Variants in CEP76 observed in about 807,000 individuals in gnomAD.
CEP76 encodes the protein centrosomal protein 76, also known as centrosomal protein of 76 kDa.
In CEP76, 55 loss-of-function variants were observed where a neutral mutation model predicts 83.3. The observed-to-expected ratio is 0.66, with a 90% CI of 0.53 to 0.83. The LOEUF (loss-of-function observed/expected upper bound fraction) is 0.83. Among genes scored for constraint, CEP76 ranks in the 40% least tolerant of loss-of-function variants. CEP76 has a pLI of 0.00. For synonymous variants in CEP76, 270 were observed against 274.5 expected (o/e 0.98, Z 0.16); for missense variants, 694 against 799.5 (o/e 0.87, Z 1.59).
At chr18:12,699,468 T>C (rs1379379948) in intron 3 of CEP76, among the ~76,000 whole-genome samples, 1 of 152,208 alleles carries the variant, frequency 6.6e-6, no homozygotes, top group Non-Finnish European at 1.5e-5. Context: ...ATATGTAGTA[T>C]ACTTTTGCTT....
chr18:12,682,110 C>T (rs1272597959), intron 8 of CEP76, among the ~76,000 whole-genome samples: 1 of 152,050 alleles, frequency 6.6e-6, no homozygotes, highest in Non-Finnish European at 1.5e-5. Flanking sequence ...AGGAAGACTA[C>T]ACGCGAAAGC....
chr18:12,663,553 G>A (rs749348201), intron 12 of CEP76: 3 of 152,122 alleles, frequency 2.0e-5, no homozygotes, highest in Non-Finnish European at 4.4e-5. Flanking sequence ...GATTACAGAT[G>A]TGAGCCACCA....
Position 12,691,491 on chromosome 18 carries a change from G to A in CEP76, c.805-4C>T. The A allele has an allele frequency of 6.3e-7, 1 of 1,574,946 alleles. No homozygotes were observed. The highest frequency in any genetic ancestry group is 1.2e-5 in the South Asian group (1 of 84,372). On this transcript the variant is annotated splice_region_variant and splice_polypyrimidine_tract_variant and intron_variant, in intron 6 of 11. Coordinates refer to ENST00000262127, the MANE Select transcript of CEP76 (RefSeq NM_024899.4). The stretch of plus-strand genomic sequence containing the variant: ...TTTTCTGACGTTCCAAAGCAAGCTT[G>A]AAATTGAAAAAAATATTTTTCAATT...
downstream of CEP76, chr18:12,672,587 A>T: frequency 1.1e-6 from 1 of 895,296 alleles, no homozygotes; most frequent in Non-Finnish European, 1.3e-6. Context: ...GATAGAATCC[A>T]TGAAGAGGCT....
At chr18:12,677,373 G>A (rs1158110815) in intron 10 of CEP76, among the ~76,000 whole-genome samples, 3 of 150,142 alleles carry the variant, frequency 2.0e-5, no homozygotes, top group Non-Finnish European at 3.0e-5. Flanking sequence ...GGGAGGTAGA[G>A]GTTGCAGTGA....
chr18:12,673,636 T>G, intron 11 of CEP76, 133 bp from the exon 12 acceptor site: 1 of 608,150 alleles, frequency 1.6e-6, no homozygotes, highest in Admixed American at 4.1e-5. Context: ...TCCCAGCACT[T>G]TGGGAGGCCG....
At position 12,690,657 on chromosome 18, in the gene CEP76, G is replaced by A. The variant is rs530763017; in HGVS notation, c.933+702C>T. ...TTTTTAGTAGAAACGGGGTTTCACC[G>A]TGTTAGCCAGGATGGTCTCGATCTC... On this transcript the variant is annotated intron_variant, in intron 7 of 11. Transcript: ENST00000262127. 2.8e-3 allele frequency among the ~76,000 whole-genome samples: 426 copies of A among 152,138 alleles called. 2 individuals are homozygous for A. Among genetic ancestry groups the A allele is most frequent in the Non-Finnish European group, 4.5e-3 (309 of 67,986 alleles).
chr18:12,663,852 C>T (rs956781430), intron 12 of CEP76, among the ~76,000 whole-genome samples: 5 of 152,160 alleles, frequency 3.3e-5, no homozygotes, highest in African/African-American at 9.7e-5. Context: ...TCACTGCAAC[C>T]TCTAACTCCT....
At chr18:12,662,692 G>A (rs940068344) in intron 12 of CEP76, among the ~76,000 whole-genome samples, 10 of 152,164 alleles carry the variant, frequency 6.6e-5, no homozygotes, top group Admixed American at 4.6e-4. Flanking sequence ...CACAAGAATC[G>A]CTTGAGCCCA....
intron 1 of CEP76, among the ~76,000 whole-genome samples, chr18:12,702,059 G>C (rs1046185400): frequency 9.9e-5 from 15 of 152,206 alleles, no homozygotes; most frequent in Non-Finnish European, 2.1e-4. Context: ...CTGGGAGGCG[G>C]AGGTTGCAGT....
At chr18:12,666,880 C>G (rs2038815097) in intron 12 of CEP76, among the ~76,000 whole-genome samples, 1 of 152,058 alleles carries the variant, frequency 6.6e-6, no homozygotes, top group East Asian at 1.9e-4. Flanking sequence ...CATCTTTAAT[C>G]CAAACATCAG....
chr18:12,698,892 C>T (rs557100733), intron 4 of CEP76, 87 bp downstream of exon 4: 122 of 960,694 alleles, frequency 1.3e-4, no homozygotes, highest in Non-Finnish European at 1.8e-4. Context: ...TAAATCTCTC[C>T]TTACAGAAAA....
At chr18:12,682,649 G>A (rs1254509406) in intron 8 of CEP76, among the ~76,000 whole-genome samples, 1 of 151,556 alleles carries the variant, frequency 6.6e-6, no homozygotes, top group African/African-American at 2.4e-5. Flanking sequence ...TCTTTTTTGA[G>A]ACAGAGTCTC....
At chr18:12,689,392 GAC>G (rs1211120458) in intron 7 of CEP76, among the ~76,000 whole-genome samples, 2 of 152,166 alleles carry the variant, frequency 1.3e-5, no homozygotes, top group African/African-American at 4.8e-5. Flanking sequence ...ACTCCAATTT[GAC>G]ACAGACTTTG....
In CEP76 at chr18:12,697,272, C is replaced by T; in HGVS notation, c.657G>A (p.Leu219=). The T allele has an allele frequency of 1.2e-6, 2 of 1,613,978 alleles. No homozygotes were observed. The highest frequency in any genetic ancestry group is 1.7e-5 in the Admixed American group (1 of 59,984). The change falls in exon 5 of 12, where the codon TTG becomes TTA. Residue 219 remains leucine (L), a synonymous_variant. Coordinates refer to ENST00000262127, the MANE Select transcript of CEP76 (RefSeq NM_024899.4). ...ASYFLEWRSV[L]GSENGVTSLT... is the part of the protein sequence containing the mutation. Reference sequence around the variant, plus strand: ...GACTGGTCACTCCATTTTCTGAGCCCAAAACCGATCGCCATTCCAGAAAAT... The same window carrying T: ...GACTGGTCACTCCATTTTCTGAGCCTAAAACCGATCGCCATTCCAGAAAAT...
intron 12 of CEP76, among the ~76,000 whole-genome samples, chr18:12,667,411 C>G (rs780158591): frequency 2.0e-5 from 3 of 151,942 alleles, no homozygotes; most frequent in Non-Finnish European, 4.4e-5. Context: ...GAGCTATGAT[C>G]ACACCACTGC....
chr18:12,678,313 A>C lies in CEP76; in HGVS notation c.1419T>G (p.Asp473Glu). Reference sequence around the variant, plus strand: ...AATCAAATACACAGGTTTCTACTGCATCAGAGGGTTGACAATTTCCCAGGA... The same window carrying C: ...AATCAAATACACAGGTTTCTACTGCCTCAGAGGGTTGACAATTTCCCAGGA... ...QMFLGNCQPS[D>E]AVETCVFDLN... The change falls in exon 10 of 12, where the codon GAT becomes GAG. Residue 473 changes from aspartate to glutamate, a missense_variant. Asp to Glu is a conservative substitution (Grantham distance 45). Coordinates refer to ENST00000262127, the MANE Select transcript of CEP76 (RefSeq NM_024899.4). 6.2e-7 allele frequency: 1 copy of C among 1,614,200 alleles called. No homozygotes were observed. Among genetic ancestry groups the C allele is most frequent in the Non-Finnish European group, 8.5e-7 (1 of 1,180,038 alleles).
At chr18:12,669,413 C>A (rs1428513960), downstream of CEP76, among the ~76,000 whole-genome samples, 2 of 151,794 alleles carry the variant, frequency 1.3e-5, no homozygotes, top group Admixed American at 6.6e-5. Flanking sequence ...CGCCTGGCCC[C>A]AATTTTTTTT....
chr18:12,697,755 T>TC (rs1431303486), intron 4 of CEP76, among the ~76,000 whole-genome samples: 9 of 152,172 alleles, frequency 5.9e-5, no homozygotes, highest in African/African-American at 1.9e-4. Flanking sequence ...CCAAACTACC[T>TC]CAAGAAATCC....
Sources: gnomAD v4.1 joint callset for allele counts (sites outside exome capture counted in the v4.1 genomes callset) on GRCh38, gnomAD v4.1.1 for gene constraint, MANE v1.5 for transcripts, NCBI Gene and HGNC (gene_info 2026-07-23, HGNC 2026-07-21) for gene names.